Variants in NOS2 observed in about 807,000 individuals in gnomAD.
The protein encoded by NOS2 is nitric oxide synthase, inducible.
Under a neutral mutation model 136.0 loss-of-function variants are expected in NOS2, and 96 were observed. The ratio of observed to expected loss-of-function variants is 0.71; its 90% confidence interval spans 0.60 to 0.84. The LOEUF is 0.84. Ranked by LOEUF, NOS2 falls within the 40% of genes least tolerant of loss-of-function variation. NOS2 has a pLI of 0.00. For synonymous variants in NOS2, 539 were observed against 587.5 expected, an observed-to-expected ratio of 0.92 and a Z score of 1.20; for missense variants, 1,237 against 1,496.9, an observed-to-expected ratio of 0.83 and a Z score of 2.87.
intron 5 of NOS2, among the ~76,000 whole-genome samples, chr17:27,785,957 C>CAAAAAAAAAA (rs1170004221): frequency 2.5e-5 from 1 of 39,802 alleles, no homozygotes; most frequent in African/African-American, 1.0e-4. Context: ...GACCGAGTCT[C>CAAAAAAAAAA]AAAAAAAAAA....
intron 26 of NOS2, 90 bp from the exon 27 acceptor site, chr17:27,757,443 T>G (rs1045279935): frequency 1.4e-5 from 14 of 997,626 alleles, no homozygotes; most frequent in Non-Finnish European, 2.2e-5. Context: ...TGGACCTTCA[T>G]GAGCCATCTG....
chr17:27,782,164 G>C (rs1469929826), intron 6 of NOS2, 58 bp from the exon 7 acceptor site: 1 of 1,490,746 alleles, frequency 6.7e-7, no homozygotes, highest in Admixed American at 1.7e-5. Flanking sequence ...AGGCTTTGAG[G>C]CTGATCAGAA....
chr17:27,765,487 G>T, intron 20 of NOS2, 48 bp downstream of exon 20: 1 of 1,508,584 alleles, frequency 6.6e-7, no homozygotes. Flanking sequence ...GCCAGGTGGG[G>T]CGGCCAGAGG....
intron 21 of NOS2, 137 bp from the exon 22 acceptor site, chr17:27,763,142 G>C: frequency 4.8e-6 from 3 of 619,034 alleles, no homozygotes; most frequent in Non-Finnish European, 8.3e-6. Context: ...CCATGGTGCT[G>C]AGACGACCAA....
At chr17:27,799,057 A>C (rs972770775) in intron 1 of NOS2, among the ~76,000 whole-genome samples, 175 bp from the exon 2 acceptor site, 1 of 152,234 alleles carries the variant, frequency 6.6e-6, no homozygotes, top group East Asian at 1.9e-4. Context: ...TCGGACACAG[A>C]CTTCAATTCT....
Position 27,769,097 on chromosome 17 carries a change from A to C in NOS2, c.1914T>G (p.Ala638=). The C allele has an allele frequency of 6.2e-7, 1 of 1,612,980 alleles. No individual in the cohort carries two copies. Among genetic ancestry groups the C allele is most frequent in the Non-Finnish European group, 8.5e-7 (1 of 1,179,816 alleles). ...GGGACAGCTTCTGATCAATGTCATG[A>C]GCAAAGGCGCAGAACCGAGGGTACA... ...SSMYPRFCAF[A]HDIDQKLSHL... Residue 638 remains alanine, a synonymous_variant, in exon 17 of 27, where the codon GCT becomes GCG. Transcript: ENST00000313735.
intron 5 of NOS2, 72 bp downstream of exon 5, chr17:27,787,606 A>G (rs1250742034): frequency 6.0e-6 from 7 of 1,159,810 alleles, no homozygotes; most frequent in East Asian, 4.9e-5. Context: ...CTAGGATCAG[A>G]GGGTGATGGG....
At chr17:27,758,454 C>A (rs1191327511) in intron 26 of NOS2, among the ~76,000 whole-genome samples, 1 of 152,112 alleles carries the variant, frequency 6.6e-6, no homozygotes, top group African/African-American at 2.4e-5. Flanking sequence ...AAATGCAAGC[C>A]CTTCCTGCTG....
At chr17:27,760,968 G>A (rs1908105231) in intron 23 of NOS2, among the ~76,000 whole-genome samples, 176 bp downstream of exon 23, 1 of 152,190 alleles carries the variant, frequency 6.6e-6, no homozygotes, top group South Asian at 2.1e-4. Flanking sequence ...CTGGACTCTT[G>A]AGACCCACCT....
chr17:27,757,357 T>C lies in NOS2; in HGVS notation c.3355-4A>G. ...CTTCGTGATAGCGCTTCTGGCTCTTTTAGGTAAAAACAGAGAGCAACGTGT... is the reference window on the plus strand; with the variant it reads ...CTTCGTGATAGCGCTTCTGGCTCTTCTAGGTAAAAACAGAGAGCAACGTGT... On this transcript the variant is annotated splice_region_variant and splice_polypyrimidine_tract_variant and intron_variant, in intron 26 of 26. Transcript: ENST00000313735. The C allele has an allele frequency of 3.1e-6, 5 of 1,613,822 alleles. No homozygotes were observed. The highest frequency in any genetic ancestry group is 4.2e-6 in the Non-Finnish European group (5 of 1,179,860).
chr17:27,794,023 ACC>A (rs753928165), intron 2 of NOS2, among the ~76,000 whole-genome samples: 1 of 152,200 alleles, frequency 6.6e-6, no homozygotes, highest in Non-Finnish European at 1.5e-5. Flanking sequence ...TATGATAATT[ACC>A]ACCATTGCGC....
chr17:27,775,737 T>C (rs937742839), intron 11 of NOS2, among the ~76,000 whole-genome samples: 1 of 152,188 alleles, frequency 6.6e-6, no homozygotes, highest in Admixed American at 6.5e-5. Flanking sequence ...TGAGCCATGA[T>C]TGGGCCACTG....
chr17:27,769,233 G>T (rs1303503522), intron 16 of NOS2, 82 bp from the exon 17 acceptor site: 3 of 1,357,794 alleles, frequency 2.2e-6, no homozygotes, highest in Non-Finnish European at 3.0e-6. Flanking sequence ...AGCCTGGAGA[G>T]CCAGCCCCAG....
chr17:27,760,511 G>T, intron 24 of NOS2, 112 bp downstream of exon 24: 2 of 1,415,036 alleles, frequency 1.4e-6, no homozygotes, highest in Non-Finnish European at 1.9e-6. Context: ...AAGCAAACTT[G>T]GGAGGCCTTC....
rs1908071970 is a variant in NOS2, at chr17:27,760,192, G to A, written c.3011-14C>T. 1.3e-6 allele frequency: 2 copies of A among 1,537,800 alleles called. No individual in the cohort carries two copies. Among genetic ancestry groups the A allele is most frequent in the Admixed American group, 2.1e-5 (1 of 47,422 alleles). On this transcript the variant is annotated splice_polypyrimidine_tract_variant and intron_variant, in intron 24 of 26. Transcript: ENST00000313735. Reference sequence around the variant, plus strand: ...CTCCCCGCACTCCTGCAGGAGTCCCGGGCTGTTGTTACCATGTTGGCCACC... The same window carrying A: ...CTCCCCGCACTCCTGCAGGAGTCCCAGGCTGTTGTTACCATGTTGGCCACC...
rs200524043 is a variant in NOS2, at chr17:27,789,588, C to A, written c.195+16G>T. On this transcript the variant is annotated intron_variant, in intron 3 of 26. Coordinates refer to ENST00000313735, the MANE Select transcript of NOS2 (RefSeq NM_000625.4). ...CAGGGAGGAAGGGGCTTCCCACACC[C>A]ATGTGACTCACTGACCTTTCCCGTC... 6 of 1,599,180 alleles carry A rather than the reference C, an allele frequency of 3.8e-6. No individual in the cohort carries two copies. Among genetic ancestry groups the A allele is most frequent in the Non-Finnish European group, 5.1e-6 (6 of 1,166,478 alleles).
rs770628118 is a variant in NOS2, at chr17:27,767,745, G to A, written c.2127C>T (p.Tyr709=). The A allele has an allele frequency of 5.0e-6, 8 of 1,613,528 alleles. No individual in the cohort carries two copies. The highest frequency in any genetic ancestry group is 1.7e-6 in the Non-Finnish European group (2 of 1,180,026). The change falls in exon 18 of 27, where the codon TAC becomes TAT. Residue 709 remains tyrosine (Y), a synonymous_variant. Transcript: ENST00000313735. ...AAGGCTGTGAGTCCTGCACGAGCCT[G>A]TAGTGGTGCGGGTCCCAGGTCACAT... ...TSNVTWDPHH[Y]RLVQDSQPLD...
Position 27,767,759 on chromosome 17 carries a change from C to T in NOS2, c.2113G>A (p.Asp705Asn). The T allele has an allele frequency of 6.2e-7, 1 of 1,613,418 alleles. No homozygotes were observed. The highest frequency in any genetic ancestry group is 8.5e-7 in the Non-Finnish European group (1 of 1,180,024). The change falls in exon 18 of 27, where the codon GAC becomes AAC. Residue 705 changes from aspartate (D) to asparagine (N), a missense_variant. This residue lies in a region of NOS2 where 782 missense variants were observed against 909.9 expected (regional missense o/e 0.86). Transcript: ENST00000313735. ...PKLYTSNVTW[D>N]PHHYRLVQDS... ...TGCACGAGCCTGTAGTGGTGCGGGTCCCAGGTCACATTGGAGGTGTAGAGC... is the reference window on the plus strand; with the variant it reads ...TGCACGAGCCTGTAGTGGTGCGGGTTCCAGGTCACATTGGAGGTGTAGAGC...
intron 20 of NOS2, among the ~76,000 whole-genome samples, chr17:27,764,821 A>T (rs187458722): frequency 2.6e-5 from 4 of 152,348 alleles, no homozygotes; most frequent in Admixed American, 2.0e-4. Flanking sequence ...CTGGGTAAAA[A>T]TAAGAGCCTG....
Sources: gnomAD v4.1 joint callset for allele counts (sites outside exome capture counted in the v4.1 genomes callset) on GRCh38, gnomAD v4.1.1 for gene constraint, gnomAD v4.1.1 regional missense constraint, MANE v1.5 for transcripts, NCBI Gene and HGNC (gene_info 2026-07-23, HGNC 2026-07-21) for gene names.